GMDS: variants seen among roughly 807,000 people sequenced by gnomAD.
The protein encoded by GMDS is GDP-mannose 4,6-dehydratase.
Under a neutral mutation model 49.9 loss-of-function variants are expected in GMDS, and 20 were observed. The ratio of observed to expected loss-of-function variants is 0.40; its 90% CI spans 0.28 to 0.58. GMDS has a LOEUF of 0.58. GMDS is among the 20% of genes least tolerant of loss of function. GMDS has a pLI of 0.42. For synonymous variants in GMDS, 177 were observed against 178.6 expected (o/e 0.99, Z 0.07); for missense variants, 362 against 481.4 (o/e 0.75, Z 2.32).
intron 7 of GMDS, among the ~76,000 whole-genome samples, chr6:1,851,822 C>T (rs1343563066): frequency 6.6e-6 from 1 of 152,144 alleles, no homozygotes; most frequent in Non-Finnish European, 1.5e-5. Context: ...TTCTTGTTCA[C>T]AACAAGCACC....
At chr6:1,809,475 T>C (rs893121744) in intron 7 of GMDS, among the ~76,000 whole-genome samples, 1 of 152,204 alleles carries the variant, frequency 6.6e-6, no homozygotes, top group Admixed American at 6.5e-5. Flanking sequence ...CAATGACCAC[T>C]CTCTGGTCAT....
At chr6:1,984,256 G>T (rs1765404530) in intron 4 of GMDS, among the ~76,000 whole-genome samples, 1 of 152,144 alleles carries the variant, frequency 6.6e-6, no homozygotes, top group African/African-American at 2.4e-5. Context: ...GCATCGGGAA[G>T]AATAGCTAAT....
At chr6:1,850,036 T>C (rs959315272) in intron 7 of GMDS, among the ~76,000 whole-genome samples, 1 of 152,224 alleles carries the variant, frequency 6.6e-6, no homozygotes, top group Non-Finnish European at 1.5e-5. Context: ...ATGATCATCA[T>C]GTGTTCCAAC....
rs148242100 is a variant in GMDS at position 1,915,914 on chromosome 6, G to C, written c.771+14189C>G. Among the ~76,000 whole-genome samples the C allele has an allele frequency of 5.1e-3, 776 of 152,306 alleles. 6 individuals carry two copies. Among genetic ancestry groups the C allele is most frequent in the African/African-American group, 0.017 (721 of 41,554 alleles). On this transcript the variant is annotated intron_variant, in intron 7 of 10. Transcript: ENST00000380815. Reference sequence around the variant, plus strand: ...ATTCATGGTTTCAGGCTCAAGGAAGGCTTTGACTTTAAAATAACAACTGAC... The same window carrying C: ...ATTCATGGTTTCAGGCTCAAGGAAGCCTTTGACTTTAAAATAACAACTGAC...
At chr6:1,676,062 CT>C (rs1257160325) in intron 9 of GMDS, among the ~76,000 whole-genome samples, 1 of 152,170 alleles carries the variant, frequency 6.6e-6, no homozygotes, top group Non-Finnish European at 1.5e-5. Context: ...TCTCCTCAAG[CT>C]GATAAGCAAC....
chr6:2,136,906 C>CAAAAAA (rs3049649), intron 1 of GMDS, among the ~76,000 whole-genome samples: 6 of 127,956 alleles, frequency 4.7e-5, no homozygotes, highest in African/African-American at 5.8e-5. Context: ...TCATTTCAAA[C>CAAAAAA]AAAAAAAAAA....
chr6:2,204,435 C>T (rs1305851531), intron 1 of GMDS, among the ~76,000 whole-genome samples: 1 of 152,194 alleles, frequency 6.6e-6, no homozygotes, highest in Non-Finnish European at 1.5e-5. Context: ...CCAAATATTG[C>T]TCATGTGCCA....
intron 1 of GMDS, among the ~76,000 whole-genome samples, chr6:2,179,724 A>G (rs1485566334): frequency 6.6e-6 from 1 of 152,226 alleles, no homozygotes; most frequent in African/African-American, 2.4e-5. Context: ...AGATACTGCC[A>G]AAGTATGTAA....
At chr6:2,146,126 T>C (rs1581710909) in intron 1 of GMDS, among the ~76,000 whole-genome samples, 2 of 152,194 alleles carry the variant, frequency 1.3e-5, no homozygotes, top group East Asian at 1.9e-4. Flanking sequence ...CCTAGCAGAT[T>C]AGCCAAAGTT....
chr6:1,634,313 C>T (rs750421599), intron 9 of GMDS, among the ~76,000 whole-genome samples: 2 of 152,304 alleles, frequency 1.3e-5, no homozygotes, highest in East Asian at 3.9e-4. Context: ...AGGACACGCT[C>T]AGCCTCTGAA....
chr6:1,969,360 T>C (rs1051798971), intron 4 of GMDS, among the ~76,000 whole-genome samples: 1 of 149,644 alleles, frequency 6.7e-6, no homozygotes, highest in African/African-American at 2.5e-5. Flanking sequence ...TAAATGTTAA[T>C]AGAACTATTA....
At chr6:2,174,545 G>GT (rs985953079) in intron 1 of GMDS, among the ~76,000 whole-genome samples, 4 of 150,790 alleles carry the variant, frequency 2.7e-5, no homozygotes, top group East Asian at 2.0e-4. Context: ...ATGGTGCCTA[G>GT]TTTTTTTTGT....
intron 7 of GMDS, among the ~76,000 whole-genome samples, chr6:1,899,172 T>G (rs1760372403): frequency 1.3e-5 from 2 of 152,198 alleles, no homozygotes; most frequent in Admixed American, 1.3e-4. Flanking sequence ...TGGTAAGATA[T>G]CTCTTGTGAA....
chr6:1,874,289 G>A (rs1440685206), intron 7 of GMDS, among the ~76,000 whole-genome samples: 2 of 152,128 alleles, frequency 1.3e-5, no homozygotes, highest in Non-Finnish European at 2.9e-5. Flanking sequence ...TAGAAAAAAC[G>A]GTGGAGAAGT....
chr6:2,141,711 G>C (rs768299040), intron 1 of GMDS, among the ~76,000 whole-genome samples: 1 of 152,198 alleles, frequency 6.6e-6, no homozygotes, highest in East Asian at 1.9e-4. Flanking sequence ...AAGGTGACCA[G>C]GTAGGCTGGA....
rs114442388 is a variant in GMDS at position 1,907,904 on chromosome 6, C to T, written c.771+22199G>A. 2.9e-3 allele frequency among the ~76,000 whole-genome samples: 442 copies of T among 152,246 alleles called. 6 individuals are homozygous for T. The highest frequency in any genetic ancestry group is 1.0e-2 in the African/African-American group (415 of 41,534). ...ATACCTGAAATTGCAAATACCAAAC[C>T]GTACACACACGATGTTTTTTCCCAT... On this transcript the variant is annotated intron_variant, in intron 7 of 10. Transcript: ENST00000380815.
chr6:1,864,774 T>C (rs903560856), intron 7 of GMDS, among the ~76,000 whole-genome samples: 4 of 152,172 alleles, frequency 2.6e-5, no homozygotes, highest in African/African-American at 7.2e-5. Flanking sequence ...GAGTAGAAAG[T>C]AGGCTTGTCA....
intron 8 of GMDS, among the ~76,000 whole-genome samples, chr6:1,737,551 CAG>C (rs140729169): frequency 0.014 from 2,152 of 149,924 alleles, 18 homozygotes; most frequent in South Asian, 0.044. Flanking sequence ...ACCACACACA[CAG>C]ATACACACAC....
At chr6:2,082,455 T>TCATAAAA (rs1772770096) in intron 4 of GMDS, among the ~76,000 whole-genome samples, 1 of 152,172 alleles carries the variant, frequency 6.6e-6, no homozygotes, top group South Asian at 2.1e-4. Context: ...GCAGGTCCCC[T>TCATAAAA]CATAAAATTG....
Sources: gnomAD v4.1 joint callset for allele counts (sites outside exome capture counted in the v4.1 genomes callset) on GRCh38, gnomAD v4.1.1 for gene constraint, MANE v1.5 for transcripts, NCBI Gene and HGNC (gene_info 2026-07-23, HGNC 2026-07-21) for gene names.